Variants in STARD7 observed in about 807,000 individuals in gnomAD.
STARD7 encodes StAR related lipid transfer domain containing 7.
Under a neutral mutation model 45.3 loss-of-function variants are expected in STARD7, and 30 were observed. That is an observed-to-expected ratio of 0.66 (90% CI 0.50 to 0.90). The LOEUF (loss-of-function observed/expected upper bound fraction) is 0.90. STARD7 is among the 40% of genes least tolerant of loss of function. The probability of loss-of-function intolerance (pLI) is 0.00; values close to 1 mark genes in which losing one functional copy is unlikely to be tolerated. For missense variants in STARD7, 495 were observed against 491.3 expected (o/e 1.01, Z -0.07); for synonymous variants, 199 against 183.0 (o/e 1.09, Z -0.70).
At chr2:96,197,119 A>ACCT (rs1558735922) in intron 1 of STARD7, among the ~76,000 whole-genome samples, 1 of 143,968 alleles carries the variant, frequency 6.9e-6, no homozygotes, top group Non-Finnish European at 1.5e-5. Flanking sequence ...AATAAAATAA[A>ACCT]ATAAAGCCAA....
At chr2:96,199,961 T>C (rs1452725140) in intron 1 of STARD7, among the ~76,000 whole-genome samples, 1 of 152,224 alleles carries the variant, frequency 6.6e-6, no homozygotes, top group Non-Finnish European at 1.5e-5. Context: ...GTGTAATAAA[T>C]TGATTTTTGT....
Position 96,186,766 on chromosome 2 carries a change from C to G in STARD7, c.1077G>C (p.Glu359Asp). The change falls in exon 8 of 8, where the codon GAG (glutamate) becomes GAC (aspartate). Residue 359 changes from glutamate (E) to aspartate (D), a missense_variant. Coordinates refer to ENST00000337288, the MANE Select transcript of STARD7 (RefSeq NM_020151.4). ...CAATCCGAGCAGGGCCACAGCTGCCCTCGTTCTTTCGCTCAGAGGACTGGC... is the reference window on the plus strand; with the variant it reads ...CAATCCGAGCAGGGCCACAGCTGCCGTCGTTCTTTCGCTCAGAGGACTGGC... ...ATSQSSERKN[E>D]GSCGPARIEY... 1 of 1,613,494 alleles carries G rather than the reference C, an allele frequency of 6.2e-7. No homozygotes were observed. The highest frequency in any genetic ancestry group is 1.3e-5 in the African/African-American group (1 of 75,044).
At position 96,184,909 on chromosome 2, in the gene STARD7, TCA is replaced by T. The variant is rs750153419; in HGVS notation, c.*1819_*1820del. ...TTTATTCACACATTTGATAAAAATG[TCA>T]CAGTTAGGAGTGAAATCATTACAAT... On this transcript the variant is annotated 3_prime_UTR_variant, in exon 8 of 8. Coordinates refer to ENST00000337288, the MANE Select transcript of STARD7 (RefSeq NM_020151.4). 21 of 152,792 alleles carry T rather than the reference TCA, an allele frequency of 1.4e-4. No homozygotes were observed. Among genetic ancestry groups the T allele is most frequent in the East Asian group, 5.8e-4 (3 of 5,186 alleles). 9.5% of individuals were successfully genotyped at this position (152,792 alleles called of 1,614,324 possible). A position where few individuals can be genotyped will look rare whatever the true frequency, so the allele number is the denominator to read the frequency against.
intron 6 of STARD7, among the ~76,000 whole-genome samples, chr2:96,190,100 AT>A (rs939424181): frequency 1.3e-5 from 2 of 152,164 alleles, no homozygotes; most frequent in African/African-American, 4.8e-5. Context: ...TTTAAATGCC[AT>A]TTTCCACTAA....
Position 96,188,808 on chromosome 2 carries a change from T to G in STARD7, c.844-1507A>C, listed in dbSNP as rs576047865. Reference sequence around the variant, plus strand: ...ACTCGGGAGGCTGAGGCAAGAGAACTGCTTGAACCCGGGAGGCGGAGGTTG... The same window carrying G: ...ACTCGGGAGGCTGAGGCAAGAGAACGGCTTGAACCCGGGAGGCGGAGGTTG... On this transcript the variant is annotated intron_variant, in intron 6 of 7. Transcript: ENST00000337288. Among the ~76,000 whole-genome samples, 80 of 151,684 alleles carry G rather than the reference T, an allele frequency of 5.3e-4. 1 individual carries two copies. The East Asian group carries it at 0.014, about 26-fold the overall frequency.
Position 96,185,391 on chromosome 2 carries a change from A to C in STARD7, c.*1339T>G, listed in dbSNP as rs1357617673. ...TAGCAAGCAGGAAAACAAAAACAAA[A>C]ACAAAAACAAAAACTCTGGCCCTCA... On this transcript the variant is annotated 3_prime_UTR_variant, in exon 8 of 8. Transcript: ENST00000337288. 1.3e-5 allele frequency: 2 copies of C among 152,426 alleles called. No individual in the cohort carries two copies. Among genetic ancestry groups the C allele is most frequent in the African/African-American group, 4.8e-5 (2 of 41,432 alleles). The allele number at this position is 152,426 out of a possible 1,614,324, so 9.4% of individuals were successfully genotyped here.
At chr2:96,190,333 G>GTTTTTTT (rs1683106012) in intron 6 of STARD7, among the ~76,000 whole-genome samples, 1 of 144,074 alleles carries the variant, frequency 6.9e-6, no homozygotes. Flanking sequence ...TTAAGTCTGT[G>GTTTTTTT]TCTTTTTTTT....
At chr2:96,196,413 T>C (rs1204128319) in intron 1 of STARD7, among the ~76,000 whole-genome samples, 1 of 152,176 alleles carries the variant, frequency 6.6e-6, no homozygotes, top group Admixed American at 6.5e-5. Flanking sequence ...TGAGCTACAA[T>C]TCTGCCACTG....
At chr2:96,197,071 TAAAATA>T (rs1683224976) in intron 1 of STARD7, among the ~76,000 whole-genome samples, 1 of 94,684 alleles carries the variant, frequency 1.1e-5, no homozygotes, top group South Asian at 3.2e-4. Context: ...CGTCTCAAAA[TAAAATA>T]AAATAAAATA....
chr2:96,205,393 T>C (rs1158389104), intron 1 of STARD7, among the ~76,000 whole-genome samples: 2 of 152,238 alleles, frequency 1.3e-5, no homozygotes, highest in East Asian at 1.9e-4. Flanking sequence ...AAAGACACCC[T>C]GCACATTCCA....
intron 6 of STARD7, 153 bp from the exon 7 acceptor site, chr2:96,187,454 G>C (rs1458305666): frequency 5.5e-5 from 32 of 580,040 alleles, no homozygotes; most frequent in Non-Finnish European, 3.4e-5. Context: ...CTGAAGGCCT[G>C]AGAGACTACT....
chr2:96,208,393 C>A lies in STARD7; in HGVS notation c.42G>T (p.Thr14=). The change falls in exon 1 of 8, where the codon ACG becomes ACT. Residue 14 remains threonine, a synonymous_variant. Coordinates refer to ENST00000337288, the MANE Select transcript of STARD7 (RefSeq NM_020151.4). ...RRLLAAWLAG[T]RGGGLLALLA... ...GAAGCGCCAGCAGGCCCCCGCCCCG[C>A]GTCCCCGCCAGCCAGGCGGCCAGCA... 3 of 1,468,870 alleles carry A rather than the reference C, an allele frequency of 2.0e-6. No individual in the cohort carries two copies. The South Asian group carries it at 4.0e-5, about 19-fold the overall frequency. 91.0% of individuals were successfully genotyped at this position (1,468,870 alleles called of 1,614,324 possible).
chr2:96,202,225 A>G (rs1683317633), intron 1 of STARD7, among the ~76,000 whole-genome samples: 1 of 152,170 alleles, frequency 6.6e-6, no homozygotes, highest in Non-Finnish European at 1.5e-5. Flanking sequence ...TGAAGATAAC[A>G]CAAAGGCACA....
chr2:96,193,277 C>T lies in STARD7; in HGVS notation c.625G>A (p.Gly209Ser). ...LEVIERDVVS[G>S]SEVLHWVTHF... ...GTTACCCAGTGAAGAACCTCGGAAC[C>T]ACTAACCACATCCCTCTCAATCACC... The change falls in exon 4 of 8, where the codon GGT becomes AGT. Residue 209 changes from glycine (G) to serine (S), a missense_variant. Around this residue, in one of 2 missense-constraint regions of STARD7, gnomAD observed 213 missense variants for 271.2 expected, o/e 0.79. Coordinates refer to ENST00000337288, the MANE Select transcript of STARD7 (RefSeq NM_020151.4). The T allele has an allele frequency of 6.2e-7, 1 of 1,613,878 alleles. No homozygotes were observed. The highest frequency in any genetic ancestry group is 1.1e-5 in the South Asian group (1 of 91,078).
intron 6 of STARD7, 93 bp from the exon 7 acceptor site, chr2:96,187,394 G>A: frequency 2.5e-6 from 2 of 792,918 alleles, no homozygotes; most frequent in Non-Finnish European, 4.2e-6. Context: ...TCTGATTCTG[G>A]AGCAGGGAGT....
At chr2:96,195,982 G>A (rs1683198243) in intron 1 of STARD7, among the ~76,000 whole-genome samples, 2 of 151,628 alleles carry the variant, frequency 1.3e-5, no homozygotes, top group South Asian at 2.1e-4. Flanking sequence ...GCATGGTGGC[G>A]CGCAACTGTA....
At chr2:96,194,222 T>C (rs1369507489) in intron 3 of STARD7, among the ~76,000 whole-genome samples, 1 of 152,076 alleles carries the variant, frequency 6.6e-6, no homozygotes, top group African/African-American at 2.4e-5. Flanking sequence ...ATTAGCCAAG[T>C]GTGGTGGCGC....
Position 96,187,209 on chromosome 2 carries a change from T to G in STARD7, c.928+8A>C, listed in dbSNP as rs763342777. ...GGTTCCAGGCCCTGTATACTTGCCC[T>G]TACTTACCACTGGAAACCATCCAAC... is the stretch of plus-strand genomic sequence containing the variant. On this transcript the variant is annotated splice_region_variant and intron_variant, in intron 7 of 7. Transcript: ENST00000337288. 13 of 1,607,780 alleles carry G rather than the reference T, an allele frequency of 8.1e-6. No individual in the cohort carries two copies. Among genetic ancestry groups the G allele is most frequent in the African/African-American group, 2.7e-5 (2 of 74,726 alleles).
rs1177277722 is a variant in STARD7, at chr2:96,208,746, G to C, written c.-312C>G. On this transcript the variant is annotated 5_prime_UTR_variant, in exon 1 of 8. The change creates a new upstream start codon in the 5' untranslated region. Coordinates refer to ENST00000337288, the MANE Select transcript of STARD7 (RefSeq NM_020151.4). ...ACCTCCAGCGGGCGCCCGGGGCCGG[G>C]ATGCAGGGCGCGCGGACAGAAACGA... 1.5e-5 allele frequency: 6 copies of C among 409,248 alleles called. No individual in the cohort carries two copies. Among genetic ancestry groups the C allele is most frequent in the South Asian group, 1.0e-4 (1 of 9,972 alleles). 25.4% of individuals were successfully genotyped at this position (409,248 alleles called of 1,614,324 possible).
Sources: allele counts gnomAD v4.1 joint callset (sites outside exome capture counted in the v4.1 genomes callset), GRCh38; gene constraint gnomAD v4.1.1; regional missense constraint gnomAD v4.1.1; transcripts MANE v1.5; gene names NCBI Gene and HGNC (gene_info 2026-07-23, HGNC 2026-07-21).